GEMIN5: variants seen among roughly 807,000 people sequenced by gnomAD.
The protein encoded by GEMIN5 is gem nuclear organelle associated protein 5, also known as gem-associated protein 5.
Under a neutral mutation model 176.9 loss-of-function variants are expected in GEMIN5, and 124 were observed. The ratio of observed to expected loss-of-function variants is 0.70; its 90% CI spans 0.61 to 0.81. The LOEUF is 0.81. Ranked by LOEUF, GEMIN5 falls within the 40% of genes least tolerant of loss-of-function variation. GEMIN5 has a pLI of 0.00. For missense variants in GEMIN5, 1,843 were observed against 1,814.6 expected (o/e 1.02, Z -0.28); for synonymous variants, 673 against 665.2 (o/e 1.01, Z -0.18).
At chr5:154,917,305 C>T (rs1309991182) in intron 12 of GEMIN5, 126 bp from the exon 13 acceptor site, 3 of 455,330 alleles carry the variant, frequency 6.6e-6, no homozygotes, top group African/African-American at 2.0e-5. Context: ...CCCTTTCTAT[C>T]ACTGCAAAGG....
chr5:154,913,013 G>A lies in GEMIN5; in HGVS notation c.1881C>T (p.Thr627=). Residue 627 remains threonine (T), a synonymous_variant, in exon 14 of 28, where the codon ACC becomes ACT. Coordinates refer to ENST00000285873, the MANE Select transcript of GEMIN5 (RefSeq NM_015465.5). The stretch of plus-strand genomic sequence containing the variant: ...AGAGGGTCCGGTAGGGCTCTGTAAT[G>A]GTCACTGGAGACTCAGGGCTGCTCT... ...VIESSPESPV[T]ITEPYRTLSG... 6.2e-7 allele frequency: 1 copy of A among 1,613,482 alleles called. No homozygotes were observed. Among genetic ancestry groups the A allele is most frequent in the Non-Finnish European group, 8.5e-7 (1 of 1,179,548 alleles).
At position 154,898,477 on chromosome 5, in the gene GEMIN5, C is replaced by T. The variant is rs35899504; in HGVS notation, c.3308G>A (p.Gly1103Glu). ...QELLLANNWVGAQEALQLHES... is the reference protein window; with the variant it reads ...QELLLANNWVEAQEALQLHES... ...ATGCAGCTGCAGGGCTTCCTGGGCT[C>T]CCACCCAGTTGTTGGCCAGAAGCAG... The change falls in exon 23 of 28, where the codon GGA becomes GAA. Residue 1103 changes from glycine to glutamate, a missense_variant. Transcript: ENST00000285873. 271 of 1,614,126 alleles carry T rather than the reference C, an allele frequency of 1.7e-4. 1 individual carries two copies. In the South Asian group the frequency reaches 2.0e-3, roughly 12 times the overall value.
intron 9 of GEMIN5, among the ~76,000 whole-genome samples, chr5:154,922,237 C>T (rs919996021): frequency 2.6e-5 from 4 of 152,134 alleles, no homozygotes; most frequent in South Asian, 2.1e-4. Context: ...GTGCAATCTC[C>T]GCTCACTGCA....
At chr5:154,914,200 T>C (rs1486314503) in intron 13 of GEMIN5, among the ~76,000 whole-genome samples, 1 of 152,080 alleles carries the variant, frequency 6.6e-6, no homozygotes, top group Non-Finnish European at 1.5e-5. Flanking sequence ...TTTGTATTTT[T>C]AGTAGAGACA....
At chr5:154,932,359 C>T (rs1426711610) in intron 3 of GEMIN5, 109 bp from the exon 4 acceptor site, 1 of 760,274 alleles carries the variant, frequency 1.3e-6, no homozygotes, top group Admixed American at 2.5e-5. Context: ...AAGTTAGGTG[C>T]ATTTGGGGTG....
At chr5:154,935,618 G>A (rs941881847) in intron 3 of GEMIN5, among the ~76,000 whole-genome samples, 3 of 152,130 alleles carry the variant, frequency 2.0e-5, no homozygotes, top group Non-Finnish European at 2.9e-5. Flanking sequence ...AGTTAGATCC[G>A]AAAAACGAAG....
intron 9 of GEMIN5, among the ~76,000 whole-genome samples, chr5:154,921,921 T>C (rs1763932040): frequency 6.6e-6 from 1 of 152,218 alleles, no homozygotes; most frequent in Admixed American, 6.5e-5. Context: ...GGTAATGATA[T>C]GTGATGTGTC....
chr5:154,901,101 G>A (rs183066599), intron 21 of GEMIN5, among the ~76,000 whole-genome samples: 60 of 152,286 alleles, frequency 3.9e-4, no homozygotes, highest in African/African-American at 1.4e-3. Flanking sequence ...TGAGGCACGA[G>A]GATCGCTTGA....
intron 14 of GEMIN5, among the ~76,000 whole-genome samples, chr5:154,912,535 T>C (rs1763723269): frequency 6.6e-6 from 1 of 152,242 alleles, no homozygotes; most frequent in South Asian, 2.1e-4. Context: ...CTTACCAATT[T>C]ATTATTAAAA....
chr5:154,900,909 G>C (rs989054571), intron 21 of GEMIN5, among the ~76,000 whole-genome samples: 1 of 151,926 alleles, frequency 6.6e-6, no homozygotes, highest in African/African-American at 2.4e-5. Context: ...TGATAAACTT[G>C]CCCTAACGAA....
chr5:154,890,391 C>T (rs1006128431), intron 26 of GEMIN5, among the ~76,000 whole-genome samples: 14 of 151,926 alleles, frequency 9.2e-5, no homozygotes, highest in African/African-American at 3.4e-4. Flanking sequence ...GCCCTGAGAG[C>T]ATATGCCCCT....
At chr5:154,901,286 G>T in intron 21 of GEMIN5, 53 bp downstream of exon 21, 15 of 1,495,002 alleles carry the variant, frequency 1.0e-5, no homozygotes, top group Non-Finnish European at 1.3e-5. Context: ...GAGAAGTTTA[G>T]GTTATTTTCA....
chr5:154,937,435 A>T (rs1454906795), intron 1 of GEMIN5, among the ~76,000 whole-genome samples: 1 of 152,242 alleles, frequency 6.6e-6, no homozygotes. Flanking sequence ...TGCTCTGCTT[A>T]GTTCACAGAC....
intron 3 of GEMIN5, among the ~76,000 whole-genome samples, chr5:154,933,692 T>A (rs916942463): frequency 6.6e-6 from 1 of 152,222 alleles, no homozygotes; most frequent in Non-Finnish European, 1.5e-5. Context: ...TTATTTTTTT[T>A]TTTTAAAAGA....
Position 154,907,592 on chromosome 5 carries a change from C to A in GEMIN5, c.2394G>T (p.Ala798=). 6.2e-7 allele frequency: 1 copy of A among 1,611,952 alleles called. No homozygotes were observed. Among genetic ancestry groups the A allele is most frequent in the Non-Finnish European group, 8.5e-7 (1 of 1,178,026 alleles). Residue 798 remains alanine (A), a splice_region_variant and synonymous_variant, in exon 16 of 28, where the codon GCG becomes GCT. Coordinates refer to ENST00000285873, the MANE Select transcript of GEMIN5 (RefSeq NM_015465.5). The stretch of plus-strand genomic sequence containing the variant: ...GATACACAGGATTCTGCCACATACC[C>A]GCTGGAGCAAGGCCACAGGGTAATT... The part of the protein sequence containing the change: ...EPELPCGLAP[A]VSREPVICTP...
chr5:154,935,032 C>T (rs79878825), intron 3 of GEMIN5, among the ~76,000 whole-genome samples: 1,578 of 152,240 alleles, frequency 0.01, 32 homozygotes, highest in African/African-American at 0.036. Flanking sequence ...GAATCCAATC[C>T]CCTCTTGACT....
intron 9 of GEMIN5, among the ~76,000 whole-genome samples, chr5:154,923,367 C>A (rs1351287192): frequency 2.0e-5 from 3 of 151,172 alleles, no homozygotes; most frequent in Non-Finnish European, 4.4e-5. Context: ...GCAAGAAGAG[C>A]GAAACTCTGT....
chr5:154,928,641 A>C lies in GEMIN5; in HGVS notation c.800T>G (p.Leu267Trp), dbSNP rs1445108932. The part of the protein sequence containing the change: ...SRGRGVMILK[L>W]PFLKRRGGGI... ...CCCTCCTCTTCTCTTCAGAAAGGGC[A>C]ATTTCAAAATCATCACCCCTGCAGA... Residue 267 changes from leucine (L) to tryptophan (W), a missense_variant, in exon 6 of 28, where the codon TTG (leucine) becomes TGG (tryptophan). Transcript: ENST00000285873. The C allele has an allele frequency of 6.2e-7, 1 of 1,613,902 alleles. No individual in the cohort carries two copies. Among genetic ancestry groups the C allele is most frequent in the Admixed American group, 1.7e-5 (1 of 60,000 alleles).
At chr5:154,900,868 A>G (rs1319384594) in intron 21 of GEMIN5, among the ~76,000 whole-genome samples, 1 of 74,700 alleles carries the variant, frequency 1.3e-5, no homozygotes, top group Non-Finnish European at 2.7e-5. Context: ...TTCAAGAAAG[A>G]TATCAAAATG....
Sources: gnomAD v4.1 joint callset for allele counts (sites outside exome capture counted in the v4.1 genomes callset) on GRCh38, gnomAD v4.1.1 for gene constraint, MANE v1.5 for transcripts, NCBI Gene and HGNC (gene_info 2026-07-23, HGNC 2026-07-21) for gene names.